Variants in KCND3 observed in about 807,000 individuals in gnomAD.
KCND3 encodes A-type voltage-gated potassium channel KCND3.
In KCND3, 9 loss-of-function variants were observed where a neutral mutation model predicts 51.1. That is an observed-to-expected ratio of 0.18 (90% CI 0.11 to 0.31). The LOEUF is 0.31. Ranked by LOEUF, KCND3 falls within the 10% of genes least tolerant of loss-of-function variation. The pLI, the probability that KCND3 is intolerant of heterozygous loss-of-function variation, is 1.00. For synonymous variants in KCND3, 349 were observed against 368.0 expected, an observed-to-expected ratio of 0.95 and a Z score of 0.59; for missense variants, 526 against 903.8, an observed-to-expected ratio of 0.58 and a Z score of 5.36.
intron 2 of KCND3, among the ~76,000 whole-genome samples, chr1:111,896,125 G>A (rs995391056): frequency 1.3e-5 from 2 of 152,222 alleles, no homozygotes; most frequent in Admixed American, 6.5e-5. Flanking sequence ...CCAGCCCCAC[G>A]GTGCTGAGGG....
At chr1:111,871,454 G>C (rs926667283) in intron 2 of KCND3, among the ~76,000 whole-genome samples, 1 of 152,182 alleles carries the variant, frequency 6.6e-6, no homozygotes, top group African/African-American at 2.4e-5. Context: ...GGAGGAGTCA[G>C]CTTGTGTGAC....
intron 2 of KCND3, among the ~76,000 whole-genome samples, chr1:111,955,859 C>T (rs973095639): frequency 2.0e-5 from 3 of 152,090 alleles, no homozygotes; most frequent in African/African-American, 4.8e-5. Flanking sequence ...TTTCTGCCTT[C>T]GAGAAACAAA....
chr1:111,840,154 C>T (rs1417007558), intron 2 of KCND3, among the ~76,000 whole-genome samples: 1 of 152,048 alleles, frequency 6.6e-6, no homozygotes, highest in Admixed American at 6.6e-5. Flanking sequence ...GAAACTAATC[C>T]CATTCATGAG....
chr1:111,897,631 A>G (rs760117442), intron 2 of KCND3, among the ~76,000 whole-genome samples: 2 of 152,158 alleles, frequency 1.3e-5, no homozygotes, highest in African/African-American at 4.8e-5. Context: ...AGGGCAGTGG[A>G]CTGAGGCGTT....
chr1:111,931,406 C>G (rs917962607), intron 2 of KCND3, among the ~76,000 whole-genome samples: 16 of 152,268 alleles, frequency 1.1e-4, no homozygotes, highest in African/African-American at 3.4e-4. Flanking sequence ...CCACCCACCC[C>G]CTAAAAAACC....
intron 2 of KCND3, among the ~76,000 whole-genome samples, chr1:111,860,548 T>C (rs1668292721): frequency 1.3e-5 from 2 of 151,828 alleles, no homozygotes; most frequent in African/African-American, 4.8e-5. Flanking sequence ...CCCCCCCAAC[T>C]TGGGATTTAG....
At chr1:111,848,642 C>T (rs550785032) in intron 2 of KCND3, among the ~76,000 whole-genome samples, 45 of 152,344 alleles carry the variant, frequency 3.0e-4, no homozygotes, top group African/African-American at 1.1e-3. Context: ...TGGTTACAGG[C>T]GGCATGGTGC....
intron 2 of KCND3, among the ~76,000 whole-genome samples, chr1:111,810,548 C>G (rs1665800781): frequency 6.6e-6 from 1 of 152,226 alleles, no homozygotes; most frequent in Non-Finnish European, 1.5e-5. Context: ...GAGAACTATT[C>G]CTTCTCTTCT....
intron 2 of KCND3, among the ~76,000 whole-genome samples, chr1:111,832,899 C>T (rs766147467): frequency 6.6e-6 from 1 of 152,212 alleles, no homozygotes; most frequent in Non-Finnish European, 1.5e-5. Context: ...TCTCCTCCCT[C>T]CTCCAGCTCA....
intron 2 of KCND3, among the ~76,000 whole-genome samples, chr1:111,967,194 G>A (rs1297286094): frequency 2.0e-5 from 3 of 151,836 alleles, no homozygotes; most frequent in African/African-American, 2.4e-5. Context: ...GGGGTCGGGG[G>A]GTAAACTCCC....
chr1:111,945,694 A>C (rs947312560), intron 2 of KCND3, among the ~76,000 whole-genome samples: 1 of 152,172 alleles, frequency 6.6e-6, no homozygotes, highest in East Asian at 1.9e-4. Context: ...TCTGTGCTCA[A>C]AAGTCCCCAG....
intron 2 of KCND3, among the ~76,000 whole-genome samples, chr1:111,859,551 T>G (rs1668241620): frequency 6.6e-6 from 1 of 152,184 alleles, no homozygotes; most frequent in South Asian, 2.1e-4. Context: ...TTTGCCTTCT[T>G]TCAACTCTAG....
intron 2 of KCND3, among the ~76,000 whole-genome samples, chr1:111,951,766 T>C (rs144478919): frequency 7.2e-4 from 109 of 152,320 alleles, no homozygotes; most frequent in African/African-American, 2.5e-3. Flanking sequence ...GGAGTTTGGC[T>C]ATTTTAGATA....
At chr1:111,902,590 C>T (rs559129503) in intron 2 of KCND3, among the ~76,000 whole-genome samples, 1 of 152,142 alleles carries the variant, frequency 6.6e-6, no homozygotes, top group Non-Finnish European at 1.5e-5. Flanking sequence ...GCCCACTGCT[C>T]GTTAGTGTTA....
rs1664353863 is a variant in KCND3 at position 111,780,876 on chromosome 1, C to T, written c.1270-85G>A. The T allele has an allele frequency of 3.6e-6, 4 of 1,103,144 alleles. No individual in the cohort carries two copies. The highest frequency in any genetic ancestry group is 5.4e-6 in the Non-Finnish European group (4 of 743,164). The allele number at this position is 1,103,144 out of a possible 1,614,324, so 68.3% of individuals were successfully genotyped here. A position where few individuals can be genotyped will look rare whatever the true frequency, so the allele number is the denominator to read the frequency against. On this transcript the variant is annotated intron_variant, in intron 3 of 7. Coordinates refer to ENST00000302127, the MANE Select transcript of KCND3 (RefSeq NM_001378969.1). This position sits in a 1 kb window ranked among gnomAD's most constrained non-coding sequence, Gnocchi z 4.2. ...GCTGGTGAAGCTGTGAGGCTGGCTT[C>T]CCAGGTGACACCTGATGAAGGGGAT...
At chr1:111,956,367 G>C (rs1673341746) in intron 2 of KCND3, among the ~76,000 whole-genome samples, 2 of 152,232 alleles carry the variant, frequency 1.3e-5, no homozygotes, top group East Asian at 3.9e-4. Flanking sequence ...GAGGGGGCAA[G>C]AGCCCATGGC....
At chr1:111,954,144 C>A (rs967010855) in intron 2 of KCND3, among the ~76,000 whole-genome samples, 5 of 152,206 alleles carry the variant, frequency 3.3e-5, no homozygotes, top group Non-Finnish European at 4.4e-5. Flanking sequence ...CTAGTAACTT[C>A]TCCTTCCCCT....
At chr1:111,915,683 G>A (rs1268959488) in intron 2 of KCND3, among the ~76,000 whole-genome samples, 1 of 150,962 alleles carries the variant, frequency 6.6e-6, no homozygotes, top group Non-Finnish European at 1.5e-5. Context: ...AACCCAGGAG[G>A]CGGAGCTTGC....
chr1:111,932,563 T>C (rs1672029087), intron 2 of KCND3, among the ~76,000 whole-genome samples: 1 of 152,206 alleles, frequency 6.6e-6, no homozygotes, highest in Non-Finnish European at 1.5e-5. Context: ...GCAGCCACCA[T>C]TCTACTTTCT....
Sources: gnomAD v4.1 joint callset for allele counts (sites outside exome capture counted in the v4.1 genomes callset) on GRCh38, gnomAD v4.1.1 for gene constraint, Gnocchi (gnomAD v3.1) non-coding constraint, MANE v1.5 for transcripts, NCBI Gene and HGNC (gene_info 2026-07-23, HGNC 2026-07-21) for gene names.